Variants in ALDH1L1 observed in about 807,000 individuals in gnomAD.
ALDH1L1 encodes aldehyde dehydrogenase 1 family member L1, also known as cytosolic 10-formyltetrahydrofolate dehydrogenase.
In ALDH1L1, 68 loss-of-function variants were observed where a neutral mutation model predicts 101.1. The observed-to-expected ratio is 0.67, with a 90% confidence interval of 0.55 to 0.82. The LOEUF is 0.82. ALDH1L1 is among the 40% of genes least tolerant of loss of function. ALDH1L1 has a pLI of 0.00. For missense variants in ALDH1L1, 1,087 were observed against 1,172.7 expected (o/e 0.93, Z 1.07); for synonymous variants, 486 against 470.8 (o/e 1.03, Z -0.42).
rs4646724 is a variant in ALDH1L1, at chr3:126,135,056, A to AT, written c.1472+478dup. ...GAAGGCCCCTTTCTCCCTGGCTTAA[A>AT]TTTTTTTTTTTTTTTTAATAGAAAA... On this transcript the variant is annotated intron_variant, in intron 12 of 22. Coordinates refer to ENST00000393434, the MANE Select transcript of ALDH1L1 (RefSeq NM_012190.4). 405 of 144,880 alleles carry AT rather than the reference A, an allele frequency of 2.8e-3. 1 individual carries two copies. Among genetic ancestry groups the AT allele is most frequent in the South Asian group, 4.2e-3 (19 of 4,516 alleles). 9.0% of individuals were successfully genotyped at this position (144,880 alleles called of 1,614,324 possible).
intron 1 of ALDH1L1, among the ~76,000 whole-genome samples, chr3:126,174,804 A>T (rs924096780): frequency 1.3e-5 from 2 of 152,194 alleles, no homozygotes; most frequent in African/African-American, 4.8e-5. Context: ...TAAAGAAGAA[A>T]GAGCTAAAAG....
intron 1 of ALDH1L1, among the ~76,000 whole-genome samples, chr3:126,194,040 T>C (rs1462402146): frequency 6.6e-6 from 1 of 152,192 alleles, no homozygotes; most frequent in Non-Finnish European, 1.5e-5. Flanking sequence ...TTTTACGTGC[T>C]TGTGAAGTTT....
intron 1 of ALDH1L1, among the ~76,000 whole-genome samples, chr3:126,178,555 A>G (rs1234553055): frequency 1.3e-5 from 2 of 152,164 alleles, no homozygotes; most frequent in African/African-American, 2.4e-5. Flanking sequence ...AAATAAATGA[A>G]TCTAGCTCTA....
chr3:126,167,151 C>T (rs562426771), intron 1 of ALDH1L1, among the ~76,000 whole-genome samples: 2 of 152,128 alleles, frequency 1.3e-5, no homozygotes, highest in Admixed American at 6.5e-5. Flanking sequence ...TATTACGTTG[C>T]CTTTATAACA....
At chr3:126,195,201 G>A (rs1049030848) in intron 1 of ALDH1L1, among the ~76,000 whole-genome samples, 1 of 152,052 alleles carries the variant, frequency 6.6e-6, no homozygotes, top group African/African-American at 2.4e-5. Flanking sequence ...AAAGCATTTA[G>A]CAAATCTAAT....
chr3:126,113,632 T>C (rs1946150546), intron 18 of ALDH1L1, among the ~76,000 whole-genome samples: 1 of 152,162 alleles, frequency 6.6e-6, no homozygotes. Flanking sequence ...AACAAGGCCC[T>C]TGCCTCCCTC....
At chr3:126,125,031 G>C (rs900375888) in intron 15 of ALDH1L1, among the ~76,000 whole-genome samples, 1 of 152,094 alleles carries the variant, frequency 6.6e-6, no homozygotes, top group Non-Finnish European at 1.5e-5. Flanking sequence ...GGCTGTCATT[G>C]CCAATGTACA....
chr3:126,193,839 TTGATA>T (rs2081566821), intron 1 of ALDH1L1, among the ~76,000 whole-genome samples: 1 of 152,254 alleles, frequency 6.6e-6, no homozygotes, highest in African/African-American at 2.4e-5. Context: ...AAGTATTTTC[TTGATA>T]TTTAATTAAT....
chr3:126,123,565 A>C (rs1315066537), intron 16 of ALDH1L1, among the ~76,000 whole-genome samples: 2 of 150,240 alleles, frequency 1.3e-5, no homozygotes, highest in Non-Finnish European at 3.0e-5. Context: ...GCCATCACCA[A>C]AACTTTTTCA....
intron 19 of ALDH1L1, among the ~76,000 whole-genome samples, chr3:126,112,057 G>C (rs944259201): frequency 1.3e-5 from 2 of 152,214 alleles, no homozygotes; most frequent in Non-Finnish European, 2.9e-5. Flanking sequence ...GCTGCTTGGA[G>C]AGGATGAAGC....
At chr3:126,114,728 G>A in intron 17 of ALDH1L1, 72 bp from the exon 18 acceptor site, 1 of 1,431,620 alleles carries the variant, frequency 7.0e-7, no homozygotes, top group Non-Finnish European at 9.8e-7. Context: ...CCAGGTGGCA[G>A]GGACCTGGGT....
chr3:126,157,220 T>TC (rs2080927610), intron 4 of ALDH1L1, 123 bp downstream of exon 4: 1 of 1,230,534 alleles, frequency 8.1e-7, no homozygotes, highest in Admixed American at 2.3e-5. Flanking sequence ...AGAGCTCCTC[T>TC]CCCTCCAGAA....
intron 14 of ALDH1L1, chr3:126,129,967 T>C (rs1187626034): frequency 3.1e-6 from 1 of 319,482 alleles, no homozygotes; most frequent in Non-Finnish European, 5.7e-6. Context: ...ACCATACCCA[T>C]TTTGGACATT....
Position 126,160,930 on chromosome 3 carries a change from C to T in ALDH1L1, c.50G>A (p.Cys17Tyr), listed in dbSNP as rs780322900. The stretch of plus-strand genomic sequence containing the variant: ...TTCGTGGCCCTCCTTCCTCAGGTGG[C>T]AGTAAACTTCCTGGCCAAACAGGCT... ...GQSLFGQEVYCHLRKEGHEVV... is the reference protein window; with the variant it reads ...GQSLFGQEVYYHLRKEGHEVV... Residue 17 changes from cysteine to tyrosine, a missense_variant, in exon 2 of 23, where the codon TGC becomes TAC. Physicochemically the swap from Cys to Tyr is radical, Grantham distance 194. Around this residue, in one of 2 missense-constraint regions of ALDH1L1, gnomAD observed 645 missense variants for 637.0 expected, o/e 1.01. Transcript: ENST00000393434. 32 of 1,614,150 alleles carry T rather than the reference C, an allele frequency of 2.0e-5. No homozygotes were observed. The highest frequency in any genetic ancestry group is 2.6e-5 in the Non-Finnish European group (31 of 1,180,054).
chr3:126,117,698 T>C (rs116574609), intron 17 of ALDH1L1, among the ~76,000 whole-genome samples: 85 of 152,138 alleles, frequency 5.6e-4, no homozygotes, highest in Admixed American at 1.8e-3. Flanking sequence ...AAACATCCTA[T>C]TAATGAGCTA....
At chr3:126,145,631 C>G (rs2080659126) in intron 9 of ALDH1L1, among the ~76,000 whole-genome samples, 2 of 152,140 alleles carry the variant, frequency 1.3e-5, no homozygotes, top group South Asian at 2.1e-4. Flanking sequence ...CTAGAGTGGC[C>G]AAGCTCATCA....
intron 21 of ALDH1L1, 135 bp downstream of exon 21, chr3:126,107,006 G>T (rs950323470): frequency 4.0e-6 from 3 of 753,662 alleles, no homozygotes; most frequent in Non-Finnish European, 6.7e-6. Context: ...CGGCACAAGC[G>T]GGGTGTCCAC....
chr3:126,182,734 A>G (rs1576508688), upstream of ALDH1L1, among the ~76,000 whole-genome samples: 1 of 152,286 alleles, frequency 6.6e-6, no homozygotes, highest in Non-Finnish European at 1.5e-5. Flanking sequence ...AAAAAGATGT[A>G]TTAGGAAATC....
chr3:126,115,853 G>T (rs2079956515), intron 17 of ALDH1L1, among the ~76,000 whole-genome samples: 2 of 151,696 alleles, frequency 1.3e-5, no homozygotes, highest in Non-Finnish European at 2.9e-5. Flanking sequence ...GGGATTACAG[G>T]CATGAGCCAC....
Sources: gnomAD v4.1 joint callset for allele counts (sites outside exome capture counted in the v4.1 genomes callset) on GRCh38, gnomAD v4.1.1 for gene constraint, gnomAD v4.1.1 regional missense constraint, MANE v1.5 for transcripts, NCBI Gene and HGNC (gene_info 2026-07-23, HGNC 2026-07-21) for gene names.